TUBA1C: variants seen among roughly 807,000 people sequenced by gnomAD.
TUBA1C encodes the protein tubulin alpha-1C chain.
Under a neutral mutation model 34.9 loss-of-function variants are expected in TUBA1C, and 16 were observed. The ratio of observed to expected loss-of-function variants is 0.46; its 90% CI spans 0.31 to 0.70. TUBA1C has a LOEUF of 0.70. Among genes scored for constraint, TUBA1C ranks in the 30% least tolerant of loss-of-function variants. TUBA1C has a pLI of 0.05. For synonymous variants in TUBA1C, 177 were observed against 215.9 expected, an observed-to-expected ratio of 0.82 and a Z score of 1.58; for missense variants, 329 against 587.3, an observed-to-expected ratio of 0.56 and a Z score of 4.55.
chr12:49,259,129 C>T (rs950447343), intron 1 of TUBA1C, among the ~76,000 whole-genome samples: 18 of 152,168 alleles, frequency 1.2e-4, no homozygotes, highest in African/African-American at 4.1e-4. Context: ...AAGCAACTTC[C>T]AGTCCTGCAA....
exon 1 of TUBA1C, chr12:49,265,071 GCCACCCTTTCACTACTTCT>G (rs1357786779): frequency 7.2e-7 from 1 of 1,391,094 alleles, no homozygotes; most frequent in Non-Finnish European, 9.5e-7. Flanking sequence ...TTCGGGGCCG[GCCACCCTTTCACTACTTCT>G]CCCCCGGACT....
upstream of TUBA1C, among the ~76,000 whole-genome samples, chr12:49,262,490 T>A (rs903118887): frequency 6.6e-5 from 10 of 150,504 alleles, no homozygotes; most frequent in African/African-American, 2.4e-4. Context: ...TATTAATAAT[T>A]TAGCATAGTC....
intron 1 of TUBA1C, among the ~76,000 whole-genome samples, chr12:49,267,982 C>T (rs1196171376): frequency 3.9e-5 from 6 of 152,170 alleles, no homozygotes; most frequent in African/African-American, 1.4e-4. Flanking sequence ...TGTTTATTCC[C>T]TTATTTTACT....
intron 1 of TUBA1C, among the ~76,000 whole-genome samples, chr12:49,265,781 A>G (rs1942899552): frequency 6.6e-6 from 1 of 152,114 alleles, no homozygotes; most frequent in Admixed American, 6.5e-5. Flanking sequence ...TTCTGGTGTT[A>G]ATCTAGTGGT....
intron 1 of TUBA1C, 122 bp from the exon 2 acceptor site, chr12:49,269,343 G>A: frequency 6.8e-7 from 1 of 1,474,776 alleles, no homozygotes; most frequent in Non-Finnish European, 9.1e-7. Flanking sequence ...GATTACAGGT[G>A]TGAGTCACTG....
At chr12:49,255,924 C>A (rs1942779550) in intron 1 of TUBA1C, among the ~76,000 whole-genome samples, 1 of 152,152 alleles carries the variant, frequency 6.6e-6, no homozygotes, top group Non-Finnish European at 1.5e-5. Flanking sequence ...TGGTGGCTGA[C>A]ATCTGTATTC....
In TUBA1C at chr12:49,246,600, G is replaced by A. The variant is rs544360276; in HGVS notation, c.213+18434G>A. On this transcript the variant is annotated intron_variant, in intron 1 of 3. Coordinates refer to the TUBA1C transcript ENST00000541364. ...TGAGGCAGGAGAATGGCATGAACCC[G>A]GGAGGCGGAGCTTGCAGTGAGCGGA... Among the ~76,000 whole-genome samples the A allele has an allele frequency of 4.6e-5, 7 of 151,488 alleles. No homozygotes were observed. The East Asian group carries it at 6.0e-4, about 13-fold the overall frequency.
At chr12:49,267,631 CT>C (rs1029824822) in intron 1 of TUBA1C, among the ~76,000 whole-genome samples, 3 of 152,172 alleles carry the variant, frequency 2.0e-5, no homozygotes, top group African/African-American at 7.2e-5. Context: ...CAGAGCGAGA[CT>C]TTTTCTCAAA....
intron 1 of TUBA1C, among the ~76,000 whole-genome samples, chr12:49,245,495 G>A (rs956310916): frequency 1.3e-5 from 2 of 152,190 alleles, no homozygotes; most frequent in African/African-American, 2.4e-5. Context: ...TGTAGTCACA[G>A]CTACTCAGGA....
At chr12:49,251,551 G>C in intron 1 of TUBA1C, among the ~76,000 whole-genome samples, 1 of 152,056 alleles carries the variant, frequency 6.6e-6, no homozygotes, top group East Asian at 1.9e-4. Flanking sequence ...GAGATGGATG[G>C]GTCACTTGAG....
intron 1 of TUBA1C, among the ~76,000 whole-genome samples, chr12:49,236,199 A>G (rs1010813366): frequency 1.3e-5 from 2 of 152,242 alleles, no homozygotes; most frequent in Non-Finnish European, 2.9e-5. Context: ...AGAAGACTTC[A>G]GGCCCTTTTC....
At chr12:49,244,118 C>T (rs1942644920) in intron 1 of TUBA1C, among the ~76,000 whole-genome samples, 1 of 149,140 alleles carries the variant, frequency 6.7e-6, no homozygotes, top group Admixed American at 6.7e-5. Context: ...CCACTGCACT[C>T]CAGCCTTGGT....
At chr12:49,269,337 A>G in intron 1 of TUBA1C, 128 bp from the exon 2 acceptor site, 1 of 1,438,248 alleles carries the variant, frequency 7.0e-7, no homozygotes, top group Non-Finnish European at 9.4e-7. Context: ...TACTGGGATT[A>G]CAGGTGTGAG....
At chr12:49,229,852 G>C (rs1942477846) in intron 1 of TUBA1C, among the ~76,000 whole-genome samples, 1 of 151,902 alleles carries the variant, frequency 6.6e-6, no homozygotes, top group Non-Finnish European at 1.5e-5. Flanking sequence ...CAATGGCACA[G>C]TATAGGCTTA....
intron 1 of TUBA1C, among the ~76,000 whole-genome samples, chr12:49,243,471 G>T (rs954722131): frequency 2.0e-5 from 3 of 152,112 alleles, no homozygotes; most frequent in Non-Finnish European, 2.9e-5. Flanking sequence ...GTGCTACCCT[G>T]TGAGTGCTTC....
Position 49,229,975 on chromosome 12 carries a change from A to G in TUBA1C, c.213+1809A>G, listed in dbSNP as rs377493839. Reference sequence around the variant, plus strand: ...GCTAATTTTTGTATTTTTAATAGAGACAAGGTTTCACCATGTTGGCCAGGC... The same window carrying G: ...GCTAATTTTTGTATTTTTAATAGAGGCAAGGTTTCACCATGTTGGCCAGGC... On this transcript the variant is annotated intron_variant, in intron 1 of 3. Coordinates refer to the TUBA1C transcript ENST00000541364. Among the ~76,000 whole-genome samples the G allele has an allele frequency of 5.9e-5, 9 of 152,052 alleles. No individual in the cohort carries two copies. The South Asian group carries it at 1.9e-3, about 32-fold the overall frequency.
chr12:49,239,054 G>T (rs536261330), intron 1 of TUBA1C, among the ~76,000 whole-genome samples: 3 of 152,272 alleles, frequency 2.0e-5, no homozygotes, highest in African/African-American at 7.2e-5. Flanking sequence ...TGGGAATGTG[G>T]CTGGTTCCCC....
Position 49,273,119 on chromosome 12 carries a change from G to A in TUBA1C, c.1242G>A (p.Glu414=), listed in dbSNP as rs775705958. ...FVHWYVGEGM[E]EGEFSEARED... Reference sequence around the variant, plus strand: ...ACTGGTACGTGGGTGAGGGGATGGAGGAAGGCGAGTTTTCAGAGGCCCGTG... The same window carrying A: ...ACTGGTACGTGGGTGAGGGGATGGAAGAAGGCGAGTTTTCAGAGGCCCGTG... Residue 414 remains glutamate (E), a synonymous_variant, in exon 4 of 4, where the codon GAG becomes GAA. Transcript: ENST00000301072. 5 of 1,614,228 alleles carry A rather than the reference G, an allele frequency of 3.1e-6. No individual in the cohort carries two copies. The South Asian group carries it at 5.5e-5, about 18-fold the overall frequency.
chr12:49,248,522 C>G (rs1466000668), intron 1 of TUBA1C, among the ~76,000 whole-genome samples: 1 of 148,082 alleles, frequency 6.8e-6, no homozygotes, highest in Non-Finnish European at 1.5e-5. Flanking sequence ...GAGCTGAGAC[C>G]GGGTTGTTGC....
Sources: allele counts gnomAD v4.1 joint callset (sites outside exome capture counted in the v4.1 genomes callset), GRCh38; gene constraint gnomAD v4.1.1; transcripts MANE v1.5; gene names NCBI Gene and HGNC (gene_info 2026-07-23, HGNC 2026-07-21).